The following CAST variants were observed in gnomAD, a reference collection of about 807,000 sequenced individuals.
CAST encodes calpastatin.
CAST carries 76 observed loss-of-function variants against 119.6 expected under a neutral mutation model. The ratio of observed to expected loss-of-function variants is 0.64; its 90% CI spans 0.53 to 0.77. CAST has a LOEUF of 0.77. Ranked by LOEUF, CAST falls within the 30% of genes least tolerant of loss-of-function variation. CAST has a pLI of 0.00. For synonymous variants in CAST, 319 were observed against 331.6 expected (o/e 0.96, Z 0.41); for missense variants, 953 against 946.5 (o/e 1.01, Z -0.09).
chr5:96,442,906 G>A, the CAST span, among the ~76,000 whole-genome samples: 8,351 of 151,564 alleles, frequency 0.055, 253 homozygotes, highest in South Asian at 0.083. Flanking sequence ...TGTCATCACC[G>A]TCATTCTCTT....
At chr5:96,678,755 G>A (rs1232577282) in intron 2 of CAST, among the ~76,000 whole-genome samples, 1 of 151,958 alleles carries the variant, frequency 6.6e-6, no homozygotes, top group Non-Finnish European at 1.5e-5. Flanking sequence ...GCTGAGGCAG[G>A]AGAATCACTT....
At chr5:96,443,101 A>G in the CAST span, among the ~76,000 whole-genome samples, 9 of 152,318 alleles carry the variant, frequency 5.9e-5, no homozygotes, top group South Asian at 2.1e-4. Context: ...CTCAATGAAA[A>G]TATGTTTATA....
intron 3 of CAST, among the ~76,000 whole-genome samples, chr5:96,718,901 C>T (rs1377164554): frequency 6.6e-6 from 1 of 152,096 alleles, no homozygotes; most frequent in African/African-American, 2.4e-5. Context: ...TCCGATGCCC[C>T]ACTCTGTGCC....
At chr5:96,218,000 T>C in the CAST span, among the ~76,000 whole-genome samples, 6 of 152,218 alleles carry the variant, frequency 3.9e-5, no homozygotes, top group African/African-American at 1.4e-4. Context: ...TACGTTCTTG[T>C]GTTTTGTCTC....
At chr5:96,191,296 A>G in the CAST span, among the ~76,000 whole-genome samples, 1 of 152,242 alleles carries the variant, frequency 6.6e-6, no homozygotes, top group Admixed American at 6.5e-5. Context: ...ACTTTTGACT[A>G]TATGTCCCAA....
At chr5:96,276,445 T>G in the CAST span, among the ~76,000 whole-genome samples, 2 of 152,206 alleles carry the variant, frequency 1.3e-5, no homozygotes, top group Admixed American at 1.3e-4. Context: ...TGGTCATCTT[T>G]CAAACACTGA....
chr5:96,665,175 C>A (rs1165808631), intron 1 of CAST, among the ~76,000 whole-genome samples: 20 of 152,138 alleles, frequency 1.3e-4, no homozygotes, highest in Admixed American at 1.2e-3. Flanking sequence ...TTAGCTTTGC[C>A]CAAACCAGTG....
At chr5:96,309,700 G>A in the CAST span, among the ~76,000 whole-genome samples, 3 of 152,174 alleles carry the variant, frequency 2.0e-5, no homozygotes, top group Non-Finnish European at 4.4e-5. Flanking sequence ...CCTTTGGGTA[G>A]GGGAGAGAAT....
chr5:96,215,135 A>G, the CAST span: 1 of 152,208 alleles, frequency 6.6e-6, no homozygotes, highest in Admixed American at 6.5e-5. Context: ...GAATATTCCC[A>G]GAAGTGACTG....
At chr5:96,327,763 G>A in the CAST span, among the ~76,000 whole-genome samples, 1 of 152,288 alleles carries the variant, frequency 6.6e-6, no homozygotes, top group Non-Finnish European at 1.5e-5. Flanking sequence ...TCAGAAGAGC[G>A]ATTCAACAAC....
chr5:96,058,054 A>ATGTG, the CAST span, among the ~76,000 whole-genome samples: 1 of 151,770 alleles, frequency 6.6e-6, no homozygotes, highest in South Asian at 2.1e-4. Context: ...TATTTAAAAT[A>ATGTG]TGTGTGTGTG....
At chr5:96,333,149 G>A in the CAST span, among the ~76,000 whole-genome samples, 1 of 151,956 alleles carries the variant, frequency 6.6e-6, no homozygotes, top group South Asian at 2.1e-4. Context: ...CCACTTCTCG[G>A]TGTGAAGCGG....
the CAST span, chr5:95,961,671 C>T: frequency 1.9e-6 from 3 of 1,608,908 alleles, no homozygotes; most frequent in East Asian, 2.3e-5. Context: ...GTCCGCACGA[C>T]AGCCCATAGC....
the CAST span, among the ~76,000 whole-genome samples, chr5:96,483,223 A>G: frequency 2.7e-4 from 41 of 152,282 alleles, no homozygotes; most frequent in African/African-American, 7.5e-4. Flanking sequence ...GCTATGAGAA[A>G]CTGTGTTGTA....
chr5:96,612,556 C>T (rs1439870753), intron 1 of CAST, among the ~76,000 whole-genome samples: 4 of 152,120 alleles, frequency 2.6e-5, no homozygotes, highest in Non-Finnish European at 5.9e-5. Flanking sequence ...AACAAACCTG[C>T]ATACATACCC....
the CAST span, among the ~76,000 whole-genome samples, chr5:96,028,332 A>G: frequency 5.3e-5 from 8 of 152,094 alleles, no homozygotes; most frequent in African/African-American, 1.9e-4. Flanking sequence ...TTATTTCGGT[A>G]TAATTGACAA....
chr5:96,436,602 T>A, the CAST span, among the ~76,000 whole-genome samples: 4 of 152,226 alleles, frequency 2.6e-5, no homozygotes, highest in Non-Finnish European at 4.4e-5. Flanking sequence ...TAGCCGTCTT[T>A]ATTTTCTTGA....
At chr5:96,415,499 G>A in the CAST span, among the ~76,000 whole-genome samples, 1 of 152,308 alleles carries the variant, frequency 6.6e-6, no homozygotes, top group South Asian at 2.1e-4. Context: ...AATGTCCACA[G>A]TTGCCCTAAT....
At chr5:96,090,303 C>T in the CAST span, among the ~76,000 whole-genome samples, 6 of 152,090 alleles carry the variant, frequency 3.9e-5, no homozygotes, top group African/African-American at 9.7e-5. Context: ...CTAAGTTAAA[C>T]AACAAAAAGA....
Sources: gnomAD v4.1 joint callset for allele counts (sites outside exome capture counted in the v4.1 genomes callset) on GRCh38, gnomAD v4.1.1 for gene constraint, MANE v1.5 for transcripts, NCBI Gene and HGNC (gene_info 2026-07-23, HGNC 2026-07-21) for gene names.